Variants in ATP10B observed in about 807,000 individuals in gnomAD.
The protein encoded by ATP10B is ATPase phospholipid transporting 10B (putative).
A neutral mutation model predicts 141.2 loss-of-function variants in ATP10B; 122 were observed. That is an observed-to-expected ratio of 0.86 (90% CI 0.75 to 1.00). The LOEUF is 1.00. ATP10B is among the 50% of genes least tolerant of loss of function. The pLI, the probability that ATP10B is intolerant of heterozygous loss-of-function variation, is 0.00. For synonymous variants in ATP10B, 685 were observed against 692.0 expected, an observed-to-expected ratio of 0.99 and a Z score of 0.16; for missense variants, 1,876 against 1,825.3, an observed-to-expected ratio of 1.03 and a Z score of -0.51.
chr5:160,906,632 A>C, the ATP10B span, among the ~76,000 whole-genome samples: 2 of 152,196 alleles, frequency 1.3e-5, no homozygotes. Context: ...TAAATATACC[A>C]GAGTATTTAG....
chr5:160,575,703 A>AT (rs1033115766), intron 24 of ATP10B, among the ~76,000 whole-genome samples: 1 of 152,160 alleles, frequency 6.6e-6, no homozygotes, highest in Non-Finnish European at 1.5e-5. Flanking sequence ...GATTAAACAA[A>AT]TAAAAAAAAA....
chr5:160,797,673 G>A (rs1407986563), intron 1 of ATP10B, among the ~76,000 whole-genome samples: 2 of 152,268 alleles, frequency 1.3e-5, no homozygotes, highest in Admixed American at 6.5e-5. Flanking sequence ...AAACTAGGAG[G>A]GAACAAACTA....
intron 1 of ATP10B, among the ~76,000 whole-genome samples, chr5:160,799,765 G>A (rs1291668382): frequency 1.3e-5 from 2 of 152,204 alleles, no homozygotes; most frequent in African/African-American, 2.4e-5. Flanking sequence ...GTTCTGGAGT[G>A]CACAGCTTTC....
intron 3 of ATP10B, among the ~76,000 whole-genome samples, chr5:160,697,011 T>C (rs559358394): frequency 6.6e-6 from 1 of 152,342 alleles, no homozygotes; most frequent in African/African-American, 2.4e-5. Flanking sequence ...GTAGAACTTG[T>C]CATTTCTTCC....
chr5:160,610,198 T>C (rs1757639426), intron 18 of ATP10B, among the ~76,000 whole-genome samples: 1 of 152,162 alleles, frequency 6.6e-6, no homozygotes, highest in African/African-American at 2.4e-5. Flanking sequence ...TATTAGGTTA[T>C]AAAAAGACAG....
At chr5:160,917,990 G>T in the ATP10B span, among the ~76,000 whole-genome samples, 6 of 152,318 alleles carry the variant, frequency 3.9e-5, no homozygotes, top group East Asian at 1.2e-3. Context: ...GCTGCTCAAG[G>T]TTTATCTGCA....
At chr5:160,872,667 C>T in the ATP10B span, among the ~76,000 whole-genome samples, 6 of 152,228 alleles carry the variant, frequency 3.9e-5, no homozygotes, top group South Asian at 2.1e-4. Context: ...TTTGCTTTGT[C>T]GAAGATCAGT....
intron 3 of ATP10B, among the ~76,000 whole-genome samples, chr5:160,696,872 A>G (rs961128610): frequency 1.3e-5 from 2 of 152,162 alleles, no homozygotes; most frequent in African/African-American, 4.8e-5. Flanking sequence ...TTTCTTATCC[A>G]TTTTGCTTTT....
chr5:160,693,830 T>G (rs563018553), intron 3 of ATP10B, among the ~76,000 whole-genome samples: 2 of 152,320 alleles, frequency 1.3e-5, no homozygotes, highest in South Asian at 4.1e-4. Flanking sequence ...TCTCCACTGA[T>G]CTGACAGCAG....
chr5:160,795,423 G>A (rs1771872860), intron 1 of ATP10B, among the ~76,000 whole-genome samples: 1 of 152,096 alleles, frequency 6.6e-6, no homozygotes, highest in Non-Finnish European at 1.5e-5. Context: ...TCTGTCCTAA[G>A]GTTTCTGTAC....
intron 7 of ATP10B, among the ~76,000 whole-genome samples, chr5:160,667,850 G>A (rs979193268): frequency 6.6e-6 from 1 of 152,164 alleles, no homozygotes; most frequent in Non-Finnish European, 1.5e-5. Flanking sequence ...GCCAGAGAGA[G>A]TAAGAAACAT....
chr5:160,668,445 G>A (rs745399651), intron 7 of ATP10B, among the ~76,000 whole-genome samples: 1 of 152,288 alleles, frequency 6.6e-6, no homozygotes, highest in East Asian at 1.9e-4. Context: ...CGAAGGGCAG[G>A]CTACAGAGTT....
intron 14 of ATP10B, 103 bp downstream of exon 14, chr5:160,622,291 A>G (rs1758387969): frequency 8.0e-7 from 1 of 1,254,316 alleles, no homozygotes; most frequent in Non-Finnish European, 1.1e-6. Flanking sequence ...GCTAGGACCC[A>G]AATTTCATGT....
At chr5:160,912,869 CA>C in the ATP10B span, among the ~76,000 whole-genome samples, 1 of 152,200 alleles carries the variant, frequency 6.6e-6, no homozygotes, top group Non-Finnish European at 1.5e-5. Flanking sequence ...TCATGTAATT[CA>C]GAAGGTGTGT....
chr5:160,904,475 C>T, the ATP10B span, among the ~76,000 whole-genome samples: 1 of 143,526 alleles, frequency 7.0e-6, no homozygotes, highest in Non-Finnish European at 1.5e-5. Flanking sequence ...CTCTCTATAG[C>T]TATATATTTG....
At chr5:160,730,497 T>C (rs1766665039) in intron 2 of ATP10B, among the ~76,000 whole-genome samples, 1 of 152,080 alleles carries the variant, frequency 6.6e-6, no homozygotes, top group South Asian at 2.1e-4. Flanking sequence ...CGATGCATAC[T>C]AGACACAGCA....
At chr5:160,809,622 G>C (rs72820517) in intron 1 of ATP10B, among the ~76,000 whole-genome samples, 18,992 of 152,134 alleles carry the variant, frequency 0.12, 1,226 homozygotes, top group Middle Eastern at 0.16. Context: ...CGGTGCTATA[G>C]AATATTGAAA....
intron 1 of ATP10B, among the ~76,000 whole-genome samples, chr5:160,829,219 A>G (rs1430149159): frequency 6.6e-6 from 1 of 151,952 alleles, no homozygotes; most frequent in Non-Finnish European, 1.5e-5. Context: ...ATAAAAAAAA[A>G]AGCAATTCGT....
At chr5:160,750,780 T>A (rs985341475) in intron 2 of ATP10B, among the ~76,000 whole-genome samples, 2 of 152,154 alleles carry the variant, frequency 1.3e-5, no homozygotes, top group African/African-American at 2.4e-5. Flanking sequence ...CCAGCCACAC[T>A]CATTTTTTGC....
Sources: allele counts gnomAD v4.1 joint callset (sites outside exome capture counted in the v4.1 genomes callset), GRCh38; gene constraint gnomAD v4.1.1; transcripts MANE v1.5; gene names NCBI Gene and HGNC (gene_info 2026-07-23, HGNC 2026-07-21).